RMDN2: variants seen among roughly 807,000 people sequenced by gnomAD.
RMDN2 encodes regulator of microtubule dynamics protein 2.
Under a neutral mutation model 52.8 loss-of-function variants are expected in RMDN2, and 61 were observed. The ratio of observed to expected loss-of-function variants is 1.16; its 90% CI spans 0.94 to 1.43. The LOEUF (loss-of-function observed/expected upper bound fraction) is 1.43. Ranked by LOEUF, RMDN2 falls within the 40% of genes most tolerant of loss-of-function variation. The probability of loss-of-function intolerance (pLI) is 0.00; values close to 1 mark genes in which losing one functional copy is unlikely to be tolerated. For missense variants in RMDN2, 592 were observed against 475.3 expected (o/e 1.25, Z -2.28); for synonymous variants, 180 against 153.1 (o/e 1.18, Z -1.30).
At chr2:38,025,783 G>A (rs1432703535) in intron 10 of RMDN2, among the ~76,000 whole-genome samples, 2 of 151,986 alleles carry the variant, frequency 1.3e-5, no homozygotes, top group Admixed American at 6.6e-5. Context: ...TATTAAGACA[G>A]CCTTGCATTC....
In RMDN2 at chr2:37,929,442, A is replaced by C; in HGVS notation, c.165A>C (p.Gln55His). Residue 55 changes from glutamine (Q) to histidine (H), a missense_variant, in exon 2 of 11, where the codon CAA (glutamine) becomes CAC (histidine). Coordinates refer to ENST00000354545, the MANE Select transcript of RMDN2 (RefSeq NM_001170791.3). ...ATACATTTAATTCAATAACTTTGCA[A>C]GATGAAATACATGATGACCAAGGAA... ...LGNTFNSITL[Q>H]DEIHDDQGTT... 6.4e-7 allele frequency: 1 copy of C among 1,551,742 alleles called. No homozygotes were observed. The highest frequency in any genetic ancestry group is 8.7e-7 in the Non-Finnish European group (1 of 1,146,982).
chr2:38,022,202 G>C (rs17021858), downstream of RMDN2, among the ~76,000 whole-genome samples: 14,112 of 152,200 alleles, frequency 0.093, 796 homozygotes, highest in African/African-American at 0.15. Flanking sequence ...TATCTGTAAT[G>C]AGGCCACGTA....
intron 10 of RMDN2, among the ~76,000 whole-genome samples, chr2:38,057,011 G>C (rs1271479500): frequency 6.6e-6 from 1 of 152,202 alleles, no homozygotes; most frequent in Non-Finnish European, 1.5e-5. Flanking sequence ...GTGGGTTCAT[G>C]ACTCTCTGTG....
At chr2:37,921,704 A>G (rs965450119), upstream of RMDN2, among the ~76,000 whole-genome samples, 1 of 152,214 alleles carries the variant, frequency 6.6e-6, no homozygotes, top group Non-Finnish European at 1.5e-5. Flanking sequence ...CTGGGGGTCC[A>G]AGATGGGCTG....
At chr2:37,942,284 C>G (rs1461010815) in intron 2 of RMDN2, among the ~76,000 whole-genome samples, 1 of 152,166 alleles carries the variant, frequency 6.6e-6, no homozygotes, top group South Asian at 2.1e-4. Context: ...GTTGGAAATG[C>G]AGAAATCACC....
chr2:37,957,202 T>C (rs1432123645), intron 2 of RMDN2, among the ~76,000 whole-genome samples: 4 of 152,206 alleles, frequency 2.6e-5, no homozygotes, highest in African/African-American at 9.6e-5. Flanking sequence ...CAAATGTATT[T>C]CTAGTTCTAG....
intron 10 of RMDN2, among the ~76,000 whole-genome samples, chr2:38,060,841 G>C (rs919195658): frequency 6.6e-6 from 1 of 152,138 alleles, no homozygotes; most frequent in Admixed American, 6.5e-5. Flanking sequence ...AACACCAGGG[G>C]ATGGGAGATC....
At chr2:38,060,814 T>C (rs1395751701) in intron 10 of RMDN2, among the ~76,000 whole-genome samples, 1 of 101,806 alleles carries the variant, frequency 9.8e-6, no homozygotes, top group African/African-American at 3.9e-5. Context: ...CAGGAAAGCA[T>C]GCTGGGTACA....
intron 2 of RMDN2, among the ~76,000 whole-genome samples, chr2:37,949,363 A>C (rs900605511): frequency 5.9e-5 from 9 of 152,202 alleles, no homozygotes; most frequent in South Asian, 2.1e-4. Context: ...ATCTAAGCTC[A>C]GCGTTCTTTC....
intron 1 of RMDN2, among the ~76,000 whole-genome samples, chr2:37,925,796 G>GC (rs5830510): frequency 1 from 152,362 of 152,362 alleles, 76,181 homozygotes; most frequent in Non-Finnish European, 1. Context: ...CTGGGCTCTC[G>GC]CTCGGCTTTC....
At chr2:38,007,012 G>C (rs141570055) in intron 10 of RMDN2, among the ~76,000 whole-genome samples, 16 of 152,270 alleles carry the variant, frequency 1.1e-4, no homozygotes, top group African/African-American at 3.4e-4. Context: ...TACATTTATT[G>C]ATCTACGTAT....
chr2:38,031,097 A>C (rs996360004), intron 10 of RMDN2, among the ~76,000 whole-genome samples: 9 of 152,160 alleles, frequency 5.9e-5, no homozygotes, highest in African/African-American at 1.9e-4. Flanking sequence ...GGAAAACAGT[A>C]ATTTAAGATG....
At chr2:38,036,400 G>A (rs1680581230) in intron 10 of RMDN2, 1 of 152,334 alleles carries the variant, frequency 6.6e-6, no homozygotes, top group South Asian at 2.1e-4. Context: ...GTTGAGCCTT[G>A]TTTGTAACAG....
At chr2:37,974,878 C>A in intron 3 of RMDN2, 1 of 238,326 alleles carries the variant, frequency 4.2e-6, no homozygotes, top group South Asian at 6.1e-5. Context: ...TAATAGATAA[C>A]TTGGAAAGGA....
chr2:37,973,097 T>G (rs1255392422), intron 2 of RMDN2, among the ~76,000 whole-genome samples: 1 of 54,374 alleles, frequency 1.8e-5, no homozygotes, highest in East Asian at 3.6e-3. Context: ...AATTTGTGTG[T>G]TTTTTATATT....
At chr2:38,015,704 C>T (rs1398862634) in intron 10 of RMDN2, among the ~76,000 whole-genome samples, 1 of 152,158 alleles carries the variant, frequency 6.6e-6, no homozygotes, top group Non-Finnish European at 1.5e-5. Context: ...ATCCTCAAAA[C>T]CAGCATCCGG....
intron 2 of RMDN2, among the ~76,000 whole-genome samples, chr2:37,949,059 C>A (rs1298954621): frequency 6.6e-6 from 1 of 152,158 alleles, no homozygotes; most frequent in Non-Finnish European, 1.5e-5. Context: ...CAAAAGAGAT[C>A]CTTTTGGAAA....
intron 8 of RMDN2, 149 bp downstream of exon 8, chr2:37,997,663 C>A (rs964459820): frequency 3.3e-6 from 2 of 610,734 alleles, no homozygotes; most frequent in African/African-American, 1.9e-5. Context: ...CCTCATAATG[C>A]AAGTTATTAA....
chr2:37,984,926 G>T (rs1673802764), intron 5 of RMDN2, among the ~76,000 whole-genome samples: 1 of 152,002 alleles, frequency 6.6e-6, no homozygotes, highest in South Asian at 2.1e-4. Context: ...AGAATGGATT[G>T]AAAGAAAAGA....
Sources: allele counts gnomAD v4.1 joint callset (sites outside exome capture counted in the v4.1 genomes callset), GRCh38; gene constraint gnomAD v4.1.1; transcripts MANE v1.5; gene names NCBI Gene and HGNC (gene_info 2026-07-23, HGNC 2026-07-21).